The following NRXN3 variants were observed in gnomAD, a reference collection of about 807,000 sequenced individuals.
The protein encoded by NRXN3 is neurexin 3.
A neutral mutation model predicts 137.6 loss-of-function variants in NRXN3; 32 were observed. The ratio of observed to expected loss-of-function variants is 0.23; its 90% CI spans 0.18 to 0.31. The LOEUF (loss-of-function observed/expected upper bound fraction) is 0.31, where lower values mean the gene tolerates loss of function less well. Ranked by LOEUF, NRXN3 falls within the 10% of genes least tolerant of loss-of-function variation. The pLI, the probability that NRXN3 is intolerant of heterozygous loss-of-function variation, is 1.00. For synonymous variants in NRXN3, 798 were observed against 784.5 expected (o/e 1.02, Z -0.29); for missense variants, 1,574 against 2,062.5 (o/e 0.76, Z 4.59).
chr14:78,620,401 C>T (rs2097390659), intron 4 of NRXN3, among the ~76,000 whole-genome samples: 1 of 152,174 alleles, frequency 6.6e-6, no homozygotes, highest in African/African-American at 2.4e-5. Flanking sequence ...TTTATTCCCC[C>T]TCCTCCCTCA....
At chr14:79,115,343 A>G (rs2054266429) in intron 15 of NRXN3, among the ~76,000 whole-genome samples, 2 of 145,794 alleles carry the variant, frequency 1.4e-5, no homozygotes, top group South Asian at 2.2e-4. Context: ...AAAAAAAAAG[A>G]AAAAAAGCCC....
chr14:79,791,316 C>T (rs1276995965), intron 19 of NRXN3: 1 of 151,890 alleles, frequency 6.6e-6, no homozygotes, highest in Admixed American at 6.6e-5. Flanking sequence ...TTGGCTCTAA[C>T]TTCCATTAAG....
intron 18 of NRXN3, among the ~76,000 whole-genome samples, chr14:79,695,700 T>C (rs1010805574): frequency 1.3e-5 from 2 of 151,042 alleles, no homozygotes; most frequent in Non-Finnish European, 2.9e-5. Flanking sequence ...CTCCAGCATA[T>C]TACTTAGTAT....
chr14:79,207,981 A>G (rs960739342), intron 15 of NRXN3, among the ~76,000 whole-genome samples: 20 of 152,296 alleles, frequency 1.3e-4, no homozygotes, highest in African/African-American at 2.9e-4. Context: ...TATTATTCCA[A>G]TATTACAGAT....
chr14:78,328,674 A>T (rs2080408954), intron 4 of NRXN3, among the ~76,000 whole-genome samples: 1 of 152,210 alleles, frequency 6.6e-6, no homozygotes, highest in South Asian at 2.1e-4. Context: ...GTCCTTCTTG[A>T]TATCAAGAAT....
At chr14:79,732,937 G>A (rs7148264) in intron 19 of NRXN3, among the ~76,000 whole-genome samples, 82,835 of 151,930 alleles carry the variant, frequency 0.55, 23,237 homozygotes, top group Middle Eastern at 0.67. Context: ...CTCAAAAGAA[G>A]ATGTTCAGAT....
intron 1 of NRXN3, among the ~76,000 whole-genome samples, chr14:78,217,314 AATT>A (rs1253881416): frequency 6.6e-6 from 1 of 152,166 alleles, no homozygotes; most frequent in East Asian, 1.9e-4. Context: ...TAGATTTAAA[AATT>A]ATTGTTAACC....
chr14:79,279,445 C>T (rs2080882067), intron 15 of NRXN3: 6 of 986,250 alleles, frequency 6.1e-6, no homozygotes, highest in Non-Finnish European at 7.2e-6. Flanking sequence ...TCTCGGCCAC[C>T]TCTGCAGCCT....
At chr14:79,575,151 G>A (rs577771662) in intron 16 of NRXN3, among the ~76,000 whole-genome samples, 8 of 152,268 alleles carry the variant, frequency 5.3e-5, no homozygotes, top group Admixed American at 5.2e-4. Context: ...ACTGGAATTA[G>A]TATAGGCGGA....
chr14:79,000,596 T>G (rs17108521), intron 15 of NRXN3, among the ~76,000 whole-genome samples: 5,868 of 152,094 alleles, frequency 0.039, 323 homozygotes, highest in African/African-American at 0.12. Flanking sequence ...CCCTTAAGAG[T>G]AAGTGTTCTT....
intron 4 of NRXN3, among the ~76,000 whole-genome samples, chr14:78,539,235 A>G (rs899029638): frequency 1.8e-4 from 27 of 152,128 alleles, no homozygotes; most frequent in Non-Finnish European, 3.7e-4. Context: ...CAGTGAATCC[A>G]TCTGGTCCTG....
At chr14:78,519,274 A>G (rs1258322965) in intron 4 of NRXN3, among the ~76,000 whole-genome samples, 1 of 152,158 alleles carries the variant, frequency 6.6e-6, no homozygotes, top group East Asian at 1.9e-4. Flanking sequence ...CTCTCTACCC[A>G]TCATCCTGCT....
intron 19 of NRXN3, among the ~76,000 whole-genome samples, chr14:79,704,803 G>A (rs1390826408): frequency 6.6e-6 from 1 of 152,076 alleles, no homozygotes; most frequent in Non-Finnish European, 1.5e-5. Context: ...TTTACTTGTT[G>A]CCTGGTAAGA....
At chr14:79,287,950 A>T (rs770699656) in intron 15 of NRXN3, among the ~76,000 whole-genome samples, 22 of 152,158 alleles carry the variant, frequency 1.4e-4, no homozygotes. Context: ...CATTTGTACA[A>T]TGAGAGATTT....
chr14:78,209,143 G>A (rs757985243), intron 1 of NRXN3, among the ~76,000 whole-genome samples: 18 of 152,184 alleles, frequency 1.2e-4, no homozygotes, highest in Non-Finnish European at 8.8e-5. Context: ...TCTAAACCAA[G>A]CAGGTGGTGT....
Position 79,515,609 on chromosome 14 carries a change from TC to T in NRXN3, c.3444+48209del, listed in dbSNP as rs745422175. 2.8e-5 allele frequency among the ~76,000 whole-genome samples: 4 copies of T among 141,702 alleles called. No individual in the cohort carries two copies. The South Asian group carries it at 8.3e-4, about 29-fold the overall frequency. The allele number at this position is 141,702 out of a possible 152,430, so 93.0% of individuals were successfully genotyped here. ...TACCCCTTAGCCTTGTTTTCATTTC[TC>T]CTCCTCCCGCCTTCCTGTCTTCCTC... On this transcript the variant is annotated intron_variant, in intron 16 of 20. Coordinates refer to ENST00000335750, the MANE Select transcript of NRXN3 (RefSeq NM_001330195.2).
chr14:78,356,441 T>C (rs2084317711), intron 4 of NRXN3, among the ~76,000 whole-genome samples: 1 of 152,228 alleles, frequency 6.6e-6, no homozygotes, highest in African/African-American at 2.4e-5. Flanking sequence ...AGGAACAAAC[T>C]TGGGACTCCT....
intron 4 of NRXN3, among the ~76,000 whole-genome samples, chr14:78,352,105 A>G (rs1473935476): frequency 6.6e-6 from 1 of 152,064 alleles, no homozygotes; most frequent in Non-Finnish European, 1.5e-5. Context: ...AAAAAAAAAA[A>G]AAAGATAGCA....
chr14:79,466,991 C>G (rs534902150), intron 15 of NRXN3, among the ~76,000 whole-genome samples: 1 of 152,162 alleles, frequency 6.6e-6, no homozygotes, highest in East Asian at 1.9e-4. Context: ...ATGTTAAGAA[C>G]GACTCTTACC....
Sources: gnomAD v4.1 joint callset for allele counts (sites outside exome capture counted in the v4.1 genomes callset) on GRCh38, gnomAD v4.1.1 for gene constraint, MANE v1.5 for transcripts, NCBI Gene and HGNC (gene_info 2026-07-23, HGNC 2026-07-21) for gene names.